ATRNL1: variants seen among roughly 807,000 people sequenced by gnomAD.
The protein encoded by ATRNL1 is attractin like 1.
A neutral mutation model predicts 182.7 loss-of-function variants in ATRNL1; 95 were observed. The observed-to-expected ratio is 0.52, with a 90% CI of 0.44 to 0.62. The LOEUF is 0.62. Ranked by LOEUF, ATRNL1 falls within the 20% of genes least tolerant of loss-of-function variation. The pLI is 0.00. For missense variants in ATRNL1, 1,471 were observed against 1,679.5 expected (o/e 0.88, Z 2.17); for synonymous variants, 576 against 568.3 (o/e 1.01, Z -0.19).
intron 26 of ATRNL1, among the ~76,000 whole-genome samples, chr10:115,584,704 C>T (rs549133548): frequency 5.3e-5 from 8 of 152,080 alleles, no homozygotes; most frequent in South Asian, 2.1e-4. Flanking sequence ...AAACCAGCTC[C>T]TGGATTCATT....
intron 26 of ATRNL1, among the ~76,000 whole-genome samples, chr10:115,596,534 A>C (rs1856253101): frequency 6.6e-6 from 1 of 152,256 alleles, no homozygotes; most frequent in East Asian, 1.9e-4. Context: ...TAAAGTAGTC[A>C]CAAATGGAAA....
chr10:115,736,052 G>A (rs1433288305), intron 27 of ATRNL1, among the ~76,000 whole-genome samples: 1 of 150,686 alleles, frequency 6.6e-6, no homozygotes, highest in African/African-American at 2.4e-5. Flanking sequence ...GGCATATTTT[G>A]TGCTTCCTAT....
chr10:115,254,483 G>GT (rs1255576824), intron 10 of ATRNL1, among the ~76,000 whole-genome samples: 22 of 152,160 alleles, frequency 1.4e-4, no homozygotes, highest in African/African-American at 5.1e-4. Flanking sequence ...TGATGGGGTT[G>GT]TTTGTTTTTT....
intron 26 of ATRNL1, among the ~76,000 whole-genome samples, chr10:115,632,191 G>A (rs544968576): frequency 6.6e-6 from 1 of 152,210 alleles, no homozygotes; most frequent in South Asian, 2.1e-4. Flanking sequence ...CTAGGAACTA[G>A]GTGGAAGCAA....
At chr10:115,586,374 G>A (rs374961441) in intron 26 of ATRNL1, among the ~76,000 whole-genome samples, 5 of 103,656 alleles carry the variant, frequency 4.8e-5, no homozygotes, top group African/African-American at 1.2e-4. Flanking sequence ...CATTCTCCCC[G>A]TCACTTTCAG....
chr10:115,688,890 G>T (rs1946303183), intron 26 of ATRNL1, among the ~76,000 whole-genome samples: 1 of 152,010 alleles, frequency 6.6e-6, no homozygotes, highest in South Asian at 2.1e-4. Flanking sequence ...ATGTCCTGAA[G>T]ATTTTTCTCT....
chr10:115,357,836 C>CT (rs1257464226), intron 19 of ATRNL1, among the ~76,000 whole-genome samples: 2 of 151,594 alleles, frequency 1.3e-5, no homozygotes, highest in Non-Finnish European at 3.0e-5. Flanking sequence ...AGTCCCACTA[C>CT]TATACAAATT....
At position 115,534,575 on chromosome 10, in the gene ATRNL1, G is replaced by A. The variant is rs144609231; in HGVS notation, c.3717-14883G>A. Among the ~76,000 whole-genome samples the A allele has an allele frequency of 3.8e-3, 585 of 152,374 alleles. 5 individuals carry two copies. Among genetic ancestry groups the A allele is most frequent in the Non-Finnish European group, 4.4e-3 (299 of 68,042 alleles). On this transcript the variant is annotated intron_variant, in intron 25 of 28. Transcript: ENST00000355044. ...CTCTTTATCCAGTTTGCCAGTCTGT[G>A]TCTTTTAATTGGAGCATTTAGTCCA... is the stretch of plus-strand genomic sequence containing the variant.
chr10:115,126,392 T>G (rs1378580007), intron 3 of ATRNL1, among the ~76,000 whole-genome samples: 2 of 152,130 alleles, frequency 1.3e-5, no homozygotes, highest in Non-Finnish European at 2.9e-5. Context: ...CAGAGAGCGC[T>G]CAGAGACTAG....
intron 28 of ATRNL1, among the ~76,000 whole-genome samples, chr10:115,917,272 C>A (rs1952889758): frequency 6.6e-6 from 1 of 151,984 alleles, no homozygotes; most frequent in South Asian, 2.1e-4. Flanking sequence ...CGAGACCATC[C>A]TGGCTAACAC....
At position 115,682,669 on chromosome 10, in the gene ATRNL1, TATGATGATG is replaced by T. The variant is rs144515513; in HGVS notation, c.3796-44555_3796-44547del. Among the ~76,000 whole-genome samples the T allele has an allele frequency of 1.8e-3, 271 of 150,074 alleles. 1 individual carries two copies. The highest frequency in any genetic ancestry group is 5.9e-3 in the African/African-American group (238 of 40,522). The stretch of plus-strand genomic sequence containing the variant: ...TAGTAAACACTCAATAGATAATACA[TATGATGATG>T]ATGATGATGATGATGATGATGATAG... On this transcript the variant is annotated intron_variant, in intron 26 of 28. Transcript: ENST00000355044.
chr10:115,317,737 A>G (rs1445082061), intron 18 of ATRNL1, among the ~76,000 whole-genome samples: 1 of 152,066 alleles, frequency 6.6e-6, no homozygotes, highest in African/African-American at 2.4e-5. Flanking sequence ...ATTTTTGCAA[A>G]TTGATTTTGT....
chr10:115,288,164 A>G (rs2133943527), intron 15 of ATRNL1, among the ~76,000 whole-genome samples: 1 of 152,202 alleles, frequency 6.6e-6, no homozygotes, highest in South Asian at 2.1e-4. Context: ...CATCTTGGCT[A>G]TTGTGAATAG....
chr10:115,601,972 A>AT (rs554486967), intron 26 of ATRNL1, among the ~76,000 whole-genome samples: 2,282 of 136,286 alleles, frequency 0.017, 44 homozygotes, highest in African/African-American at 0.052. Context: ...TACTTTTTGG[A>AT]TTTTTTTTTT....
At chr10:115,479,085 T>A (rs1848651250) in intron 24 of ATRNL1, among the ~76,000 whole-genome samples, 1 of 151,640 alleles carries the variant, frequency 6.6e-6, no homozygotes, top group African/African-American at 2.4e-5. Context: ...CTAGCATCAT[T>A]GTTGGCAAAA....
intron 28 of ATRNL1, among the ~76,000 whole-genome samples, chr10:115,924,675 G>A (rs1953167998): frequency 6.6e-6 from 1 of 152,160 alleles, no homozygotes. Flanking sequence ...TTTGAAGTCA[G>A]GTAGTCTGAT....
intron 18 of ATRNL1, among the ~76,000 whole-genome samples, chr10:115,324,621 C>G (rs980601839): frequency 6.6e-6 from 1 of 152,132 alleles, no homozygotes; most frequent in Admixed American, 6.5e-5. Context: ...TTTAAGTTCC[C>G]ACAAGTTATG....
At chr10:115,285,557 C>A (rs897082199) in intron 14 of ATRNL1, among the ~76,000 whole-genome samples, 1 of 151,988 alleles carries the variant, frequency 6.6e-6, no homozygotes, top group African/African-American at 2.4e-5. Flanking sequence ...TTTTGGAAAA[C>A]GGTGTTTCAA....
intron 28 of ATRNL1, among the ~76,000 whole-genome samples, chr10:115,868,715 G>A (rs1951497129): frequency 6.6e-6 from 1 of 151,290 alleles, no homozygotes; most frequent in East Asian, 1.9e-4. Flanking sequence ...ATGCCAATGG[G>A]TTTCATATAA....
Sources: gnomAD v4.1 joint callset for allele counts (sites outside exome capture counted in the v4.1 genomes callset) on GRCh38, gnomAD v4.1.1 for gene constraint, MANE v1.5 for transcripts, NCBI Gene and HGNC (gene_info 2026-07-23, HGNC 2026-07-21) for gene names.